Variants in NCAM1 observed in about 807,000 individuals in gnomAD.
The protein encoded by NCAM1 is antigen recognized by monoclonal antibody 5.1H11.
A neutral mutation model predicts 109.8 loss-of-function variants in NCAM1; 14 were observed. That is an observed-to-expected ratio of 0.13 (90% CI 0.08 to 0.20). The LOEUF is 0.20. Ranked by LOEUF, NCAM1 falls within the 10% of genes least tolerant of loss-of-function variation. The pLI is 1.00. For missense variants in NCAM1, 774 were observed against 1,109.9 expected, an observed-to-expected ratio of 0.70 and a Z score of 4.30; for synonymous variants, 418 against 442.9, an observed-to-expected ratio of 0.94 and a Z score of 0.70.
chr11:113,151,337 A>G (rs1555102416), intron 1 of NCAM1, among the ~76,000 whole-genome samples: 1 of 152,236 alleles, frequency 6.6e-6, no homozygotes, highest in African/African-American at 2.4e-5. Context: ...CAACCCAGTC[A>G]GGCAGCACAT....
intron 1 of NCAM1, among the ~76,000 whole-genome samples, chr11:113,140,583 T>C (rs1479294530): frequency 2.0e-5 from 3 of 152,236 alleles, no homozygotes; most frequent in African/African-American, 7.2e-5. Context: ...TCCCACATCC[T>C]GTACTTGTAT....
At position 113,274,921 on chromosome 11, in the gene NCAM1, T is replaced by G. The variant is rs1317030244; in HGVS notation, c.2457-346T>G. 6.6e-6 allele frequency among the ~76,000 whole-genome samples: 1 copy of G among 152,130 alleles called. No individual in the cohort carries two copies. On this transcript the variant is annotated intron_variant, in intron 19 of 19. Coordinates refer to ENST00000316851, the MANE Select transcript of NCAM1 (RefSeq NM_181351.5). This position sits in a 1 kb window ranked among gnomAD's most constrained non-coding sequence, Gnocchi z 4.1. ...GGAGGAGCTGCCTCTGCTGCCCCCT[T>G]CCACCACCCCAGGTAAAAACACAGC...
intron 1 of NCAM1, among the ~76,000 whole-genome samples, chr11:112,967,744 A>G (rs1950766441): frequency 6.6e-6 from 1 of 152,222 alleles, no homozygotes. Context: ...TTCAGAGATT[A>G]GAACTAGGCT....
rs191164698 is a variant in NCAM1 at position 113,015,870 on chromosome 11, A to T, written c.52+54206A>T. On this transcript the variant is annotated intron_variant, in intron 1 of 19. Transcript: ENST00000316851. Reference sequence around the variant, plus strand: ...CCAGAGTCAGTGCCTCTGTCTTAGGATGTTTGTCATAAAAGGAGGGCATAG... The same window carrying T: ...CCAGAGTCAGTGCCTCTGTCTTAGGTTGTTTGTCATAAAAGGAGGGCATAG... Among the ~76,000 whole-genome samples, 5 of 152,284 alleles carry T rather than the reference A, an allele frequency of 3.3e-5. No homozygotes were observed. The East Asian group carries it at 9.6e-4, about 29-fold the overall frequency.
intron 1 of NCAM1, among the ~76,000 whole-genome samples, chr11:113,042,904 T>A (rs1350965581): frequency 1.3e-5 from 2 of 152,254 alleles, no homozygotes; most frequent in Admixed American, 1.3e-4. Context: ...TGACTTTTCA[T>A]CACTACTTAG....
At position 113,225,774 on chromosome 11, in the gene NCAM1, T is replaced by C. The variant is rs184039550; in HGVS notation, c.1089+4449T>C. On this transcript the variant is annotated intron_variant, in intron 9 of 19. Transcript: ENST00000316851. ...CAAGCCAGAAGAGAGTGGGGGCCAA[T>C]ATTCAACATTCTTAAAGAAAAGAAT... Among the ~76,000 whole-genome samples, 461 of 152,302 alleles carry C rather than the reference T, an allele frequency of 3.0e-3. 6 individuals are homozygous for C. The highest frequency in any genetic ancestry group is 0.01 in the African/African-American group (434 of 41,560).
chr11:113,036,739 T>A (rs192517006), intron 1 of NCAM1, among the ~76,000 whole-genome samples: 2 of 152,110 alleles, frequency 1.3e-5, no homozygotes, highest in African/African-American at 2.4e-5. Context: ...CCTTGCAAGG[T>A]AAGCTTCTAC....
chr11:113,122,452 T>C lies in NCAM1; in HGVS notation c.53-79927T>C, dbSNP rs1219517935. On this transcript the variant is annotated intron_variant, in intron 1 of 19. Coordinates refer to ENST00000316851, the MANE Select transcript of NCAM1 (RefSeq NM_181351.5). ...GATCCTCAAAAAAGATGTATTAAATTGAACATTTTTGGTGGAACCTCACTT... is the reference window on the plus strand; with the variant it reads ...GATCCTCAAAAAAGATGTATTAAATCGAACATTTTTGGTGGAACCTCACTT... Among the ~76,000 whole-genome samples, 3 of 152,302 alleles carry C rather than the reference T, an allele frequency of 2.0e-5. No individual in the cohort carries two copies. In the East Asian group the frequency reaches 5.8e-4, roughly 29 times the overall value.
intron 8 of NCAM1, among the ~76,000 whole-genome samples, chr11:113,218,683 T>C (rs1555114764): frequency 6.6e-6 from 1 of 152,258 alleles, no homozygotes; most frequent in African/African-American, 2.4e-5. Context: ...TACCAATCTG[T>C]TAAGCTTCAG....
At chr11:113,271,532 G>A (rs774383492) in intron 18 of NCAM1, among the ~76,000 whole-genome samples, 3 of 152,134 alleles carry the variant, frequency 2.0e-5, no homozygotes, top group Non-Finnish European at 4.4e-5. Flanking sequence ...ACTAGGCAAA[G>A]TAACAGTGTT....
At chr11:113,147,434 A>G (rs1942057643) in intron 1 of NCAM1, among the ~76,000 whole-genome samples, 1 of 152,246 alleles carries the variant, frequency 6.6e-6, no homozygotes, top group Non-Finnish European at 1.5e-5. Flanking sequence ...GCCCATTGTC[A>G]GCGACAGCTG....
At chr11:113,028,895 A>G in intron 1 of NCAM1, among the ~76,000 whole-genome samples, 1 of 152,216 alleles carries the variant, frequency 6.6e-6, no homozygotes, top group East Asian at 1.9e-4. Flanking sequence ...ATATCACTAT[A>G]GTTCAGAAAA....
At chr11:113,214,824 A>C (rs761970610) in intron 8 of NCAM1, among the ~76,000 whole-genome samples, 40 of 152,174 alleles carry the variant, frequency 2.6e-4, no homozygotes, top group Admixed American at 3.9e-4. Context: ...GGGAACAAAG[A>C]GAAGGCAATA....
chr11:113,216,809 C>T (rs984437447), intron 8 of NCAM1, among the ~76,000 whole-genome samples: 7 of 152,232 alleles, frequency 4.6e-5, no homozygotes, highest in Non-Finnish European at 7.4e-5. Context: ...TATATATTGA[C>T]GTCAAAGAGG....
chr11:113,184,219 G>C lies in NCAM1; in HGVS notation c.53-18160G>C, dbSNP rs1011665415. 2.0e-5 allele frequency among the ~76,000 whole-genome samples: 3 copies of C among 152,232 alleles called. No individual in the cohort carries two copies. The East Asian group carries it at 5.8e-4, about 29-fold the overall frequency. On this transcript the variant is annotated intron_variant, in intron 1 of 19. Coordinates refer to ENST00000316851, the MANE Select transcript of NCAM1 (RefSeq NM_181351.5). ...GAGCATCTGTCCTTGGGACTCCATAGCTTTGAAGGCAAGATGAATTCAGCT... is the reference window on the plus strand; with the variant it reads ...GAGCATCTGTCCTTGGGACTCCATACCTTTGAAGGCAAGATGAATTCAGCT...
intron 1 of NCAM1, among the ~76,000 whole-genome samples, chr11:113,053,373 G>A (rs931645861): frequency 6.6e-6 from 1 of 152,028 alleles, no homozygotes; most frequent in Non-Finnish European, 1.5e-5. Flanking sequence ...GAACATACAC[G>A]TGTATGCATA....
intron 15 of NCAM1, among the ~76,000 whole-genome samples, chr11:113,248,983 T>A (rs540717978): frequency 1.3e-5 from 2 of 152,310 alleles, no homozygotes; most frequent in African/African-American, 4.8e-5. Context: ...GTCCACCAGC[T>A]ACTGAGGACT....
intron 1 of NCAM1, among the ~76,000 whole-genome samples, chr11:112,988,467 G>A (rs1025159448): frequency 1.3e-5 from 2 of 152,066 alleles, no homozygotes; most frequent in South Asian, 2.1e-4. Context: ...TGTAGGGCAA[G>A]TCTAGTGGTG....
chr11:113,206,329 T>A (rs1025324723), intron 5 of NCAM1, 149 bp downstream of exon 5: 1 of 664,614 alleles, frequency 1.5e-6, no homozygotes, highest in Non-Finnish European at 2.3e-6. Flanking sequence ...CACCGTAACA[T>A]CTAGATTTCT....
Sources: allele counts gnomAD v4.1 joint callset (sites outside exome capture counted in the v4.1 genomes callset), GRCh38; gene constraint gnomAD v4.1.1; non-coding constraint Gnocchi (gnomAD v3.1); transcripts MANE v1.5; gene names NCBI Gene and HGNC (gene_info 2026-07-23, HGNC 2026-07-21).